The following PTPRD variants were observed in gnomAD, a reference collection of about 807,000 sequenced individuals.
PTPRD encodes the protein receptor-type tyrosine-protein phosphatase delta.
PTPRD carries 34 observed loss-of-function variants against 214.5 expected under a neutral mutation model. The observed-to-expected ratio is 0.16, with a 90% CI of 0.12 to 0.21. PTPRD has a LOEUF of 0.21. PTPRD is among the 10% of genes least tolerant of loss of function. PTPRD has a pLI of 1.00. For synonymous variants in PTPRD, 1,128 were observed against 845.7 expected (o/e 1.33, Z -5.79); for missense variants, 2,545 against 2,398.7 (o/e 1.06, Z -1.27).
chr9:9,378,388 T>A (rs557830733), intron 9 of PTPRD, among the ~76,000 whole-genome samples: 2 of 152,164 alleles, frequency 1.3e-5, no homozygotes, highest in South Asian at 4.1e-4. Flanking sequence ...GAGTATTCCA[T>A]TGTCTGGATA....
At chr9:10,353,007 G>A (rs1036613712) in intron 2 of PTPRD, among the ~76,000 whole-genome samples, 1 of 151,866 alleles carries the variant, frequency 6.6e-6, no homozygotes, top group Non-Finnish European at 1.5e-5. Flanking sequence ...GCCACAGAGG[G>A]TATGTATGTG....
intron 11 of PTPRD, among the ~76,000 whole-genome samples, chr9:9,007,761 C>T: frequency 6.7e-6 from 1 of 148,962 alleles, no homozygotes; most frequent in Non-Finnish European, 1.5e-5. Flanking sequence ...GTTTACACCC[C>T]CCAAAGGTTG....
At chr9:9,644,991 G>T (rs149802962) in intron 7 of PTPRD, among the ~76,000 whole-genome samples, 1 of 152,274 alleles carries the variant, frequency 6.6e-6, no homozygotes, top group Non-Finnish European at 1.5e-5. Flanking sequence ...AAGAGGGCAG[G>T]GTGTAAAAGG....
chr9:9,067,394 ATTGAC>A (rs1196479227), intron 10 of PTPRD, among the ~76,000 whole-genome samples: 1 of 152,150 alleles, frequency 6.6e-6, no homozygotes, highest in African/African-American at 2.4e-5. Context: ...TTTCTAAGTC[ATTGAC>A]TTTTTTTGTT....
intron 2 of PTPRD, among the ~76,000 whole-genome samples, chr9:10,549,552 G>A (rs142603511): frequency 1.5e-4 from 23 of 152,218 alleles, no homozygotes; most frequent in African/African-American, 5.5e-4. Context: ...AGCAATATAA[G>A]AGTCAGGCTG....
At chr9:10,244,340 C>T (rs2091701655) in intron 3 of PTPRD, among the ~76,000 whole-genome samples, 2 of 152,126 alleles carry the variant, frequency 1.3e-5, no homozygotes, top group Non-Finnish European at 2.9e-5. Flanking sequence ...CAGTCTGCCT[C>T]TCTTGTGCCC....
chr9:9,384,125 T>G (rs1569567873), intron 9 of PTPRD, among the ~76,000 whole-genome samples: 4 of 151,672 alleles, frequency 2.6e-5, no homozygotes, highest in Non-Finnish European at 5.9e-5. Context: ...CTTTTTTTTT[T>G]GCTTATAGAT....
chr9:8,830,689 A>G (rs902344700), intron 11 of PTPRD, among the ~76,000 whole-genome samples: 2 of 152,178 alleles, frequency 1.3e-5, no homozygotes, highest in African/African-American at 4.8e-5. Flanking sequence ...GGAAGCAGAC[A>G]CTACTTCGCT....
At chr9:9,907,038 A>ACC (rs199779733) in intron 5 of PTPRD, among the ~76,000 whole-genome samples, 1 of 151,380 alleles carries the variant, frequency 6.6e-6, no homozygotes, top group Non-Finnish European at 1.5e-5. Context: ...TTTAAATCTC[A>ACC]CCCCCCATAC....
At chr9:9,541,500 C>A (rs1445054056) in intron 8 of PTPRD, among the ~76,000 whole-genome samples, 1 of 151,818 alleles carries the variant, frequency 6.6e-6, no homozygotes, top group East Asian at 1.9e-4. Context: ...AATGCCTGAA[C>A]AACCAGAATC....
intron 2 of PTPRD, among the ~76,000 whole-genome samples, chr9:10,412,636 AC>A (rs2098448436): frequency 2.3e-3 from 2 of 864 alleles, no homozygotes; most frequent in Non-Finnish European, 6.6e-3. Context: ...ACACACAAAC[AC>A]ACACACACAC....
intron 9 of PTPRD, among the ~76,000 whole-genome samples, chr9:9,192,291 A>C (rs1172879673): frequency 2.6e-5 from 4 of 152,050 alleles, no homozygotes; most frequent in South Asian, 2.1e-4. Flanking sequence ...TTCTCACACA[A>C]AAAAAATAAA....
chr9:9,926,596 T>C (rs762909858), intron 5 of PTPRD, among the ~76,000 whole-genome samples: 3 of 152,136 alleles, frequency 2.0e-5, no homozygotes, highest in Non-Finnish European at 4.4e-5. Context: ...AATTGTATCA[T>C]TAAAATAACT....
intron 6 of PTPRD, among the ~76,000 whole-genome samples, chr9:9,741,739 AATG>A (rs1248117103): frequency 6.6e-6 from 1 of 152,132 alleles, no homozygotes; most frequent in Non-Finnish European, 1.5e-5. Context: ...GTTTGCTGAG[AATG>A]ATGATTTCCA....
intron 3 of PTPRD, among the ~76,000 whole-genome samples, chr9:10,050,935 G>C (rs184599366): frequency 1.3e-5 from 2 of 152,102 alleles, no homozygotes; most frequent in Admixed American, 6.5e-5. Flanking sequence ...ATTGTGAAAA[G>C]GGTAAGCATA....
chr9:8,811,328 T>C (rs1416734940), intron 11 of PTPRD, among the ~76,000 whole-genome samples: 1 of 152,054 alleles, frequency 6.6e-6, no homozygotes, highest in African/African-American at 2.4e-5. Flanking sequence ...TCACCATTTA[T>C]AGTCAAGTCC....
chr9:10,384,404 C>T (rs908497316), intron 2 of PTPRD, among the ~76,000 whole-genome samples: 1 of 151,520 alleles, frequency 6.6e-6, no homozygotes, highest in Non-Finnish European at 1.5e-5. Flanking sequence ...GGATTCATTA[C>T]AATTTTCTGA....
chr9:8,618,922 T>A, intron 14 of PTPRD, among the ~76,000 whole-genome samples: 1 of 135,828 alleles, frequency 7.4e-6, no homozygotes, highest in East Asian at 2.1e-4. Context: ...TTGTTTTTTT[T>A]TTTTTTTTTT....
At chr9:9,258,963 A>C (rs6477383) in intron 9 of PTPRD, among the ~76,000 whole-genome samples, 1 of 151,552 alleles carries the variant, frequency 6.6e-6, no homozygotes, top group Non-Finnish European at 1.5e-5. Context: ...GTGTTTCTCG[A>C]GTTGGGGAGC....
Sources: allele counts gnomAD v4.1 joint callset (sites outside exome capture counted in the v4.1 genomes callset), GRCh38; gene constraint gnomAD v4.1.1; transcripts MANE v1.5; gene names NCBI Gene and HGNC (gene_info 2026-07-23, HGNC 2026-07-21).